ADARB2: variants seen among roughly 807,000 people sequenced by gnomAD.
The protein encoded by ADARB2 is inactive double-stranded RNA-specific editase B2.
Under a neutral mutation model 62.2 loss-of-function variants are expected in ADARB2, and 25 were observed. The ratio of observed to expected loss-of-function variants is 0.40; its 90% CI spans 0.29 to 0.56. The LOEUF (loss-of-function observed/expected upper bound fraction) is 0.56, where lower values mean the gene tolerates loss of function less well. Ranked by LOEUF, ADARB2 falls within the 20% of genes least tolerant of loss-of-function variation. The probability of loss-of-function intolerance (pLI) is 0.43; values close to 1 mark genes in which losing one functional copy is unlikely to be tolerated. For synonymous variants in ADARB2, 572 were observed against 500.8 expected (o/e 1.14, Z -1.90); for missense variants, 1,071 against 1,077.4 (o/e 0.99, Z 0.08).
intron 1 of ADARB2, among the ~76,000 whole-genome samples, chr10:1,537,721 CA>C (rs1381122502): frequency 6.6e-6 from 1 of 152,142 alleles, no homozygotes; most frequent in East Asian, 1.9e-4. Flanking sequence ...AACAGAAAAC[CA>C]AACACAGCAT....
intron 1 of ADARB2, among the ~76,000 whole-genome samples, chr10:1,669,263 C>T (rs1439599937): frequency 2.6e-5 from 4 of 152,140 alleles, no homozygotes; most frequent in South Asian, 2.1e-4. Context: ...TGATACCACG[C>T]GTGTCTCCCA....
intron 1 of ADARB2, among the ~76,000 whole-genome samples, chr10:1,421,753 G>C (rs894497733): frequency 4.6e-5 from 7 of 152,184 alleles, no homozygotes; most frequent in African/African-American, 1.7e-4. Flanking sequence ...GCCTCCTAAA[G>C]TGAACCCCAG....
intron 4 of ADARB2, among the ~76,000 whole-genome samples, chr10:1,266,693 G>C (rs910780088): frequency 3.3e-5 from 5 of 152,118 alleles, no homozygotes; most frequent in African/African-American, 9.7e-5. Flanking sequence ...TGTGTATTCA[G>C]ACGAGAGCCA....
chr10:1,712,959 C>T (rs1040130774), intron 1 of ADARB2, among the ~76,000 whole-genome samples: 7 of 152,104 alleles, frequency 4.6e-5, no homozygotes, highest in South Asian at 4.1e-4. Context: ...CCTACTAACA[C>T]GAAGCTCCTT....
intron 1 of ADARB2, among the ~76,000 whole-genome samples, chr10:1,601,405 G>A (rs574019921): frequency 7.9e-5 from 12 of 152,140 alleles, no homozygotes; most frequent in Non-Finnish European, 1.3e-4. Flanking sequence ...CACAGTAAAC[G>A]GTTTCCTGTG....
At chr10:1,241,193 A>G (rs1406784644) in intron 5 of ADARB2, among the ~76,000 whole-genome samples, 1 of 152,114 alleles carries the variant, frequency 6.6e-6, no homozygotes, top group Non-Finnish European at 1.5e-5. Flanking sequence ...CGGGAGGCAG[A>G]GGTTGCAGTG....
intron 6 of ADARB2, among the ~76,000 whole-genome samples, chr10:1,218,960 G>C (rs1178074970): frequency 6.7e-6 from 1 of 149,350 alleles, no homozygotes; most frequent in Non-Finnish European, 1.5e-5. Context: ...TGAGGCAGGA[G>C]AATGGCCTGA....
At chr10:1,567,184 C>A (rs754506135) in intron 1 of ADARB2, among the ~76,000 whole-genome samples, 1 of 152,084 alleles carries the variant, frequency 6.6e-6, no homozygotes, top group Non-Finnish European at 1.5e-5. Context: ...GGTCCTCCCC[C>A]CACCGAGAAG....
At chr10:1,554,645 C>T (rs1340036443) in intron 1 of ADARB2, among the ~76,000 whole-genome samples, 1 of 152,184 alleles carries the variant, frequency 6.6e-6, no homozygotes, top group Non-Finnish European at 1.5e-5. Context: ...ATCAGTAGGT[C>T]CTTTCCGATT....
chr10:1,338,825 C>T (rs148018819), intron 3 of ADARB2, among the ~76,000 whole-genome samples: 4 of 152,158 alleles, frequency 2.6e-5, no homozygotes, highest in East Asian at 1.9e-4. Context: ...GGAAACAGGG[C>T]GGTGGGTGGG....
At chr10:1,394,359 C>T (rs563679007) in intron 1 of ADARB2, among the ~76,000 whole-genome samples, 5 of 152,330 alleles carry the variant, frequency 3.3e-5, no homozygotes, top group African/African-American at 1.2e-4. Context: ...CGCGGGTCAC[C>T]TCTGCCTACC....
intron 1 of ADARB2, among the ~76,000 whole-genome samples, chr10:1,461,334 C>T (rs1281007460): frequency 6.6e-6 from 1 of 152,190 alleles, no homozygotes; most frequent in Non-Finnish European, 1.5e-5. Context: ...CTTGTCAGGC[C>T]TGCAGTCCTG....
At chr10:1,705,701 C>A (rs981517627) in intron 1 of ADARB2, among the ~76,000 whole-genome samples, 5 of 152,184 alleles carry the variant, frequency 3.3e-5, no homozygotes, top group African/African-American at 9.7e-5. Flanking sequence ...ACTGTCTCCA[C>A]CTAAAGCTGT....
chr10:1,504,905 CACACACACATGCGTGTGCGT>C (rs1831817939), intron 1 of ADARB2, among the ~76,000 whole-genome samples: 1 of 152,078 alleles, frequency 6.6e-6, no homozygotes, highest in African/African-American at 2.4e-5. Context: ...GGAATGCAAA[CACACACACATGCGTGTGCGT>C]GCACACACAC....
chr10:1,411,821 A>G (rs977519871), intron 1 of ADARB2, among the ~76,000 whole-genome samples: 9 of 152,242 alleles, frequency 5.9e-5, no homozygotes, highest in Non-Finnish European at 1.2e-4. Flanking sequence ...CTTGATAAAT[A>G]CACACAGTTC....
At chr10:1,193,045 G>A (rs1836864186) in intron 8 of ADARB2, among the ~76,000 whole-genome samples, 1 of 152,260 alleles carries the variant, frequency 6.6e-6, no homozygotes, top group African/African-American at 2.4e-5. Context: ...TCATGTGACT[G>A]GTTTGAGGTG....
chr10:1,668,587 C>T (rs890581329), intron 1 of ADARB2, among the ~76,000 whole-genome samples: 11 of 152,274 alleles, frequency 7.2e-5, no homozygotes, highest in Admixed American at 2.6e-4. Flanking sequence ...GAATCACCCA[C>T]GTTCAGGTCA....
intron 1 of ADARB2, among the ~76,000 whole-genome samples, chr10:1,731,267 T>G (rs979678542): frequency 3.9e-5 from 6 of 152,318 alleles, no homozygotes; most frequent in Admixed American, 6.5e-5. Flanking sequence ...GCTTAAACAA[T>G]GTCAGGCAAG....
At chr10:1,241,540 G>A (rs900271193) in intron 5 of ADARB2, among the ~76,000 whole-genome samples, 34 of 152,164 alleles carry the variant, frequency 2.2e-4, no homozygotes, top group African/African-American at 3.6e-4. Context: ...GGGGTGTGTC[G>A]CGGAGGCCAC....
Sources: allele counts gnomAD v4.1 joint callset (sites outside exome capture counted in the v4.1 genomes callset), GRCh38; gene constraint gnomAD v4.1.1; transcripts MANE v1.5; gene names NCBI Gene and HGNC (gene_info 2026-07-23, HGNC 2026-07-21).